Variants in PLXNA4 observed in about 807,000 individuals in gnomAD.
PLXNA4 encodes the protein plexin A4.
In PLXNA4, 44 loss-of-function variants were observed where a neutral mutation model predicts 191.8. That is an observed-to-expected ratio of 0.23 (90% CI 0.18 to 0.29). PLXNA4 has a LOEUF of 0.29. Ranked by LOEUF, PLXNA4 falls within the 10% of genes least tolerant of loss-of-function variation. PLXNA4 has a pLI of 1.00. For synonymous variants in PLXNA4, 1,082 were observed against 1,009.5 expected (o/e 1.07, Z -1.36); for missense variants, 1,800 against 2,488.8 (o/e 0.72, Z 5.89).
chr7:132,426,654 G>A (rs958413434), intron 3 of PLXNA4, among the ~76,000 whole-genome samples: 9 of 152,090 alleles, frequency 5.9e-5, no homozygotes, highest in Non-Finnish European at 1.5e-5. Flanking sequence ...GTGAGAGTCT[G>A]GAGAAATTAC....
In PLXNA4 at chr7:132,369,513, C is replaced by G. The variant is rs561737028; in HGVS notation, c.1372-71291G>C. ...CACTGGCTTGGCTAATGGAAGAAGC[C>G]AGGGGGGCTGTGTGGAAAGAATGGA... On this transcript the variant is annotated intron_variant, in intron 3 of 31. Coordinates refer to ENST00000321063, the MANE Select transcript of PLXNA4 (RefSeq NM_020911.2). Among the ~76,000 whole-genome samples, 83 of 152,124 alleles carry G rather than the reference C, an allele frequency of 5.5e-4. 1 individual carries two copies. The highest frequency in any genetic ancestry group is 2.0e-3 in the African/African-American group (82 of 41,514).
chr7:132,333,372 C>G (rs1802675051), intron 3 of PLXNA4, among the ~76,000 whole-genome samples: 2 of 152,228 alleles, frequency 1.3e-5, no homozygotes, highest in South Asian at 4.1e-4. Context: ...AGCTGGAGCT[C>G]CCGTGCATCT....
intron 3 of PLXNA4, among the ~76,000 whole-genome samples, chr7:132,302,108 T>G (rs1801329861): frequency 1.3e-5 from 2 of 152,142 alleles, no homozygotes; most frequent in East Asian, 3.9e-4. Context: ...CTTCGGGCAG[T>G]TTGGCCATGG....
chr7:132,526,119 GCTT>G (rs746309549), intron 1 of PLXNA4, among the ~76,000 whole-genome samples: 1 of 152,130 alleles, frequency 6.6e-6, no homozygotes, highest in Non-Finnish European at 1.5e-5. Flanking sequence ...AGAGCAATTT[GCTT>G]CACTTATTGA....
At chr7:132,569,370 T>C (rs1448349644) in intron 1 of PLXNA4, among the ~76,000 whole-genome samples, 1 of 152,220 alleles carries the variant, frequency 6.6e-6, no homozygotes, top group Non-Finnish European at 1.5e-5. Flanking sequence ...AGCTTCTTCC[T>C]TGAGCTCTAC....
intron 3 of PLXNA4, among the ~76,000 whole-genome samples, chr7:132,440,190 G>A (rs1011297221): frequency 1.3e-5 from 2 of 152,122 alleles, no homozygotes; most frequent in African/African-American, 4.8e-5. Context: ...GGGAGCCTTG[G>A]TTTACCCTCC....
At chr7:132,477,944 T>C (rs932680811) in intron 3 of PLXNA4, among the ~76,000 whole-genome samples, 7 of 152,198 alleles carry the variant, frequency 4.6e-5, no homozygotes, top group Non-Finnish European at 1.0e-4. Flanking sequence ...AATTCTCCAT[T>C]TTAGAAAGAG....
intron 3 of PLXNA4, among the ~76,000 whole-genome samples, chr7:132,420,409 A>T (rs1384866621): frequency 1.3e-5 from 2 of 152,158 alleles, no homozygotes; most frequent in African/African-American, 2.4e-5. Context: ...CATGCATAGA[A>T]TCTATGGCTG....
At chr7:132,368,464 G>T (rs895674834) in intron 3 of PLXNA4, among the ~76,000 whole-genome samples, 2 of 152,152 alleles carry the variant, frequency 1.3e-5, no homozygotes, top group African/African-American at 4.8e-5. Context: ...AGCTGTCTGA[G>T]CCTAAGCCCA....
At chr7:132,563,534 T>C (rs1405973440) in intron 1 of PLXNA4, among the ~76,000 whole-genome samples, 68 of 45,932 alleles carry the variant, frequency 1.5e-3, no homozygotes, top group Middle Eastern at 0.026. Context: ...TCCTCCTCTT[T>C]CTCCTCCTCC....
At chr7:132,288,863 CT>C (rs1360607392) in intron 4 of PLXNA4, among the ~76,000 whole-genome samples, 4 of 152,182 alleles carry the variant, frequency 2.6e-5, no homozygotes, top group African/African-American at 9.7e-5. Flanking sequence ...GTCTATAGAC[CT>C]CCAAGACTGT....
intron 2 of PLXNA4, among the ~76,000 whole-genome samples, chr7:132,604,427 C>T (rs951806395): frequency 3.9e-5 from 6 of 152,122 alleles, no homozygotes; most frequent in Non-Finnish European, 8.8e-5. Context: ...CATCTCTGCC[C>T]CTGGGTTCCA....
At chr7:132,470,432 C>T (rs755381960) in intron 3 of PLXNA4, among the ~76,000 whole-genome samples, 95 of 152,168 alleles carry the variant, frequency 6.2e-4, no homozygotes, top group Non-Finnish European at 3.4e-4. Flanking sequence ...ATGCCATCCC[C>T]CAAACTTCAC....
intron 3 of PLXNA4, among the ~76,000 whole-genome samples, chr7:132,378,386 G>A (rs973792987): frequency 1.1e-4 from 16 of 152,268 alleles, no homozygotes; most frequent in Non-Finnish European, 7.4e-5. Flanking sequence ...TATGTCCTGG[G>A]TGATTATTTC....
At chr7:132,596,788 T>C (rs1802717473) in intron 2 of PLXNA4, among the ~76,000 whole-genome samples, 1 of 150,158 alleles carries the variant, frequency 6.7e-6, no homozygotes, top group South Asian at 2.1e-4. Flanking sequence ...TTTTTGATGA[T>C]CATGCAATAA....
At chr7:132,620,103 A>G (rs191080656) in intron 2 of PLXNA4, among the ~76,000 whole-genome samples, 44 of 152,226 alleles carry the variant, frequency 2.9e-4, no homozygotes, top group Admixed American at 1.8e-3. Context: ...CGCCTGGCCC[A>G]TTTTTCTTAA....
chr7:132,149,313 T>C (rs1438642096), intron 25 of PLXNA4, among the ~76,000 whole-genome samples: 3 of 152,222 alleles, frequency 2.0e-5, no homozygotes, highest in East Asian at 1.9e-4. Context: ...TACATCCCCA[T>C]ATTATTCTCA....
At chr7:132,298,498 C>A (rs974764409) in intron 3 of PLXNA4, among the ~76,000 whole-genome samples, 1 of 152,200 alleles carries the variant, frequency 6.6e-6, no homozygotes, top group African/African-American at 2.4e-5. Context: ...GCATTTGATG[C>A]CTTTCTTGCT....
chr7:132,194,870 T>C (rs915648152), intron 13 of PLXNA4, among the ~76,000 whole-genome samples: 3 of 152,114 alleles, frequency 2.0e-5, no homozygotes, highest in Non-Finnish European at 4.4e-5. Context: ...CTTAAAACTA[T>C]ATATACACTT....
Sources: allele counts gnomAD v4.1 joint callset (sites outside exome capture counted in the v4.1 genomes callset), GRCh38; gene constraint gnomAD v4.1.1; transcripts MANE v1.5; gene names NCBI Gene and HGNC (gene_info 2026-07-23, HGNC 2026-07-21).